The following NT5C3A variants were observed in gnomAD, a reference collection of about 807,000 sequenced individuals.
NT5C3A encodes 5'-nucleotidase, cytosolic IIIA.
Under a neutral mutation model 40.0 loss-of-function variants are expected in NT5C3A, and 23 were observed. The observed-to-expected ratio is 0.58, with a 90% confidence interval of 0.41 to 0.81. NT5C3A has a LOEUF of 0.81. Ranked by LOEUF, NT5C3A falls within the 40% of genes least tolerant of loss-of-function variation. The pLI is 0.00. For missense variants in NT5C3A, 328 were observed against 403.0 expected (o/e 0.81, Z 1.59); for synonymous variants, 130 against 141.4 (o/e 0.92, Z 0.57).
chr7:33,041,393 T>G (rs2128010202), intron 1 of NT5C3A, among the ~76,000 whole-genome samples: 1 of 152,284 alleles, frequency 6.6e-6, no homozygotes, highest in South Asian at 2.1e-4. Flanking sequence ...GGACAGTGGT[T>G]ATGGTTGCAC....
intron 1 of NT5C3A, among the ~76,000 whole-genome samples, chr7:33,045,600 C>G (rs1417233278): frequency 6.6e-6 from 1 of 151,984 alleles, no homozygotes; most frequent in African/African-American, 2.4e-5. Context: ...GCTGGGACTA[C>G]AGGCGTGCGC....
chr7:33,022,593 C>T (rs1422232226), intron 3 of NT5C3A, among the ~76,000 whole-genome samples: 2 of 152,076 alleles, frequency 1.3e-5, no homozygotes, highest in African/African-American at 2.4e-5. Context: ...TAGTATATTT[C>T]CTTTCAGTCT....
At chr7:33,041,141 C>T (rs1317026471) in intron 1 of NT5C3A, 1 of 984,948 alleles carries the variant, frequency 1.0e-6, no homozygotes, top group African/African-American at 1.7e-5. Flanking sequence ...ACTATTAGAA[C>T]TGGCAACTGG....
chr7:33,043,764 T>C (rs6946539), intron 1 of NT5C3A, among the ~76,000 whole-genome samples: 41 of 152,076 alleles, frequency 2.7e-4, no homozygotes, highest in African/African-American at 9.9e-4. Flanking sequence ...CCAGTGTGTA[T>C]GTGGTAGGAG....
At chr7:33,019,510 G>A in intron 6 of NT5C3A, 125 bp downstream of exon 6, 2 of 697,856 alleles carry the variant, frequency 2.9e-6, no homozygotes, top group Non-Finnish European at 5.2e-6. Context: ...GTGATAGGTG[G>A]CATATTTTGG....
chr7:33,040,657 T>C (rs531986542), intron 1 of NT5C3A, among the ~76,000 whole-genome samples: 126 of 152,320 alleles, frequency 8.3e-4, no homozygotes, highest in African/African-American at 2.6e-3. Context: ...AATTAGAACA[T>C]ATAAAATGTA....
intron 1 of NT5C3A, among the ~76,000 whole-genome samples, chr7:33,050,336 C>T (rs182034515): frequency 1.1e-4 from 17 of 152,076 alleles, no homozygotes; most frequent in Admixed American, 9.2e-4. Flanking sequence ...TTTCTTAAGC[C>T]GACTATAGTA....
chr7:33,057,895 T>C (rs1787631262), intron 1 of NT5C3A, among the ~76,000 whole-genome samples: 1 of 152,254 alleles, frequency 6.6e-6, no homozygotes. Context: ...CGTTGGTTTT[T>C]AGGGGCTAAG....
intron 2 of NT5C3A, among the ~76,000 whole-genome samples, chr7:33,026,097 A>G (rs1024507348): frequency 1.3e-5 from 2 of 152,130 alleles, no homozygotes; most frequent in Non-Finnish European, 2.9e-5. Flanking sequence ...GAGGAGGGAA[A>G]ACTGCTTGAA....
chr7:33,029,619 G>T (rs1305914487), intron 1 of NT5C3A: 1 of 1,273,334 alleles, frequency 7.9e-7, no homozygotes, highest in East Asian at 5.6e-5. Flanking sequence ...GTGTACCCAA[G>T]ATGTCTTACC....
rs575598500 is a variant in NT5C3A at position 33,026,946 on chromosome 7, T to G, written c.139-31A>C. On this transcript the variant is annotated intron_variant, in intron 1 of 8. Coordinates refer to ENST00000610140, the MANE Select transcript of NT5C3A (RefSeq NM_001002010.5). ...AGTAAAAGAAAATTAATTAATTAGT[T>G]TTCATTCTTCTTTCCCCAGGTTCCT... 852 of 1,466,402 alleles carry G rather than the reference T, an allele frequency of 5.8e-4. 8 individuals carry two copies. In the South Asian group the frequency reaches 9.2e-3, roughly 16 times the overall value. 90.8% of individuals were successfully genotyped at this position (1,466,402 alleles called of 1,614,324 possible).
At chr7:33,032,812 A>G (rs1786354752) in intron 1 of NT5C3A, among the ~76,000 whole-genome samples, 1 of 151,890 alleles carries the variant, frequency 6.6e-6, no homozygotes, top group South Asian at 2.1e-4. Flanking sequence ...GGAGTGCAGT[A>G]GCGTGATCAC....
intron 1 of NT5C3A, among the ~76,000 whole-genome samples, chr7:33,030,257 T>A (rs1056473724): frequency 6.6e-5 from 10 of 152,200 alleles, no homozygotes; most frequent in African/African-American, 1.9e-4. Flanking sequence ...AGAAGTATGA[T>A]GAAATACATC....
intron 1 of NT5C3A, among the ~76,000 whole-genome samples, chr7:33,034,780 C>T (rs1345876432): frequency 1.3e-5 from 2 of 151,492 alleles, no homozygotes; most frequent in African/African-American, 4.9e-5. Context: ...AGTTTATAGG[C>T]CAGAAAAAAG....
At chr7:33,026,557 T>C (rs1407067887) in intron 2 of NT5C3A, among the ~76,000 whole-genome samples, 1 of 151,884 alleles carries the variant, frequency 6.6e-6, no homozygotes, top group Admixed American at 6.6e-5. Context: ...AGTTTCACCA[T>C]GTTGGCCAGG....
chr7:33,034,710 G>T (rs1465895129), intron 1 of NT5C3A, among the ~76,000 whole-genome samples: 3 of 152,144 alleles, frequency 2.0e-5, no homozygotes, highest in Non-Finnish European at 4.4e-5. Context: ...ATCCTACACT[G>T]GTTGGGGGAA....
intron 2 of NT5C3A, among the ~76,000 whole-genome samples, chr7:33,025,116 G>A (rs1785846964): frequency 1.3e-5 from 2 of 151,974 alleles, no homozygotes; most frequent in Non-Finnish European, 1.5e-5. Context: ...TCCAACCTGG[G>A]CGACAGAATA....
intron 1 of NT5C3A, among the ~76,000 whole-genome samples, chr7:33,031,107 CAAA>C (rs11407650): frequency 7.6e-6 from 1 of 131,798 alleles, no homozygotes. Context: ...CAAAAAAAAA[CAAA>C]AAAAAAAAAA....
rs770138688 is a variant in NT5C3A, at chr7:33,051,152, AT to A, written c.138+11415del. On this transcript the variant is annotated intron_variant, in intron 1 of 8. Coordinates refer to ENST00000610140, the MANE Select transcript of NT5C3A (RefSeq NM_001002010.5). Reference sequence around the variant, plus strand: ...AATATGTAATACCTGAACTATTTTTATTTTTATTTTTTATTTATTTATTTTT... The same window carrying A: ...AATATGTAATACCTGAACTATTTTTATTTTATTTTTTATTTATTTATTTTT... Among the ~76,000 whole-genome samples, 11 of 151,942 alleles carry A rather than the reference AT, an allele frequency of 7.2e-5. No individual in the cohort carries two copies. The East Asian group carries it at 9.7e-4, about 13-fold the overall frequency.
Sources: allele counts gnomAD v4.1 joint callset (sites outside exome capture counted in the v4.1 genomes callset), GRCh38; gene constraint gnomAD v4.1.1; transcripts MANE v1.5; gene names NCBI Gene and HGNC (gene_info 2026-07-23, HGNC 2026-07-21).